Variants in MUC4 observed in about 807,000 individuals in gnomAD.
MUC4 encodes mucin-4.
Under a neutral mutation model 257.9 loss-of-function variants are expected in MUC4, and 202 were observed. That is an observed-to-expected ratio of 0.78 (90% CI 0.70 to 0.88). The LOEUF (loss-of-function observed/expected upper bound fraction) is 0.88. Among genes scored for constraint, MUC4 ranks in the 40% least tolerant of loss-of-function variants. The probability of loss-of-function intolerance (pLI) is 0.00; values close to 1 mark genes in which losing one functional copy is unlikely to be tolerated. For synonymous variants in MUC4, 2,351 were observed against 2,757.1 expected (o/e 0.85, Z 4.62); for missense variants, 5,976 against 6,513.7 (o/e 0.92, Z 2.84).
In MUC4 at chr3:195,778,678, G is replaced by T. The variant is rs985797364; in HGVS notation, c.12790+112C>A. On this transcript the variant is annotated intron_variant, in intron 2 of 24. Transcript: ENST00000463781. The stretch of plus-strand genomic sequence containing the variant: ...CATCACCTCCTCCCCTGTGGGACCT[G>T]ACACGGCCCCACCAGGTAATGCGAA... The T allele has an allele frequency of 4.4e-5, 59 of 1,344,476 alleles. No individual in the cohort carries two copies. The East Asian group carries it at 5.5e-4, about 13-fold the overall frequency. 83.3% of individuals were successfully genotyped at this position (1,344,476 alleles called of 1,614,324 possible).
chr3:195,768,913 GC>G, intron 7 of MUC4, 108 bp downstream of exon 7: 1 of 1,410,098 alleles, frequency 7.1e-7, no homozygotes. Context: ...AGAAGCACCA[GC>G]CAGGAGGGTT....
chr3:195,781,352 G>A lies in MUC4; in HGVS notation c.10228C>T (p.Pro3410Ser), dbSNP rs1409097294. Residue 3410 changes from proline (P) to serine (S), a missense_variant, in exon 2 of 25, where the codon CCT becomes TCT. Transcript: ENST00000463781. The stretch of plus-strand genomic sequence containing the variant: ...GATGCTGAGGAAGGGCTAGTGACAG[G>A]AAGAGGCATGGTGTCACCTGTGGAT... ...SVSTGDTMPL[P>S]VTSPSSASTG... 18 of 1,484,704 alleles carry A rather than the reference G, an allele frequency of 1.2e-5. 2 individuals carry two copies. Among genetic ancestry groups the A allele is most frequent in the South Asian group, 1.3e-5 (1 of 79,498 alleles). 92.0% of individuals were successfully genotyped at this position (1,484,704 alleles called of 1,614,324 possible).
chr3:195,761,129 A>G lies in MUC4; in HGVS notation c.14615-12T>C. ...CCCGTTGATCTGCCCTGTAACACACAGAGCGCGGTGGTACCAGGCATGGCA... is the reference window on the plus strand; with the variant it reads ...CCCGTTGATCTGCCCTGTAACACACGGAGCGCGGTGGTACCAGGCATGGCA... On this transcript the variant is annotated splice_polypyrimidine_tract_variant and intron_variant, in intron 15 of 24. Transcript: ENST00000463781. 1 of 1,610,872 alleles carries G rather than the reference A, an allele frequency of 6.2e-7. No homozygotes were observed. Among genetic ancestry groups the G allele is most frequent in the Middle Eastern group, 1.7e-4 (1 of 6,002 alleles).
intron 24 of MUC4, among the ~76,000 whole-genome samples, chr3:195,747,988 G>T (rs1230436236): frequency 1.0e-4 from 9 of 87,966 alleles, no homozygotes; most frequent in Admixed American, 2.7e-4. Context: ...GCCCCGCCCC[G>T]CCCCGCCCAC....
intron 7 of MUC4, among the ~76,000 whole-genome samples, chr3:195,767,835 C>CCACCATCACCACCACCAT (rs1207941159): frequency 8.7e-6 from 1 of 114,772 alleles, no homozygotes; most frequent in Non-Finnish European, 2.0e-5. Flanking sequence ...ACCACCATCA[C>CCACCATCACCACCACCAT]CACCACCACC....
At position 195,770,272 on chromosome 3, in the gene MUC4, C is replaced by T. The variant is rs2293232; in HGVS notation, c.13342G>A (p.Ala4448Thr). 239,541 of 1,613,418 alleles carry T rather than the reference C, an allele frequency of 0.15. 20,901 individuals are homozygous for T. The highest frequency in any genetic ancestry group is 0.31 in the Admixed American group (18,487 of 59,892). ...GCATTGACCCACGTGACCTTTAGGG[C>T]CCACCTGGCCTTGTAGCCCCCGTTG... ...TNNGGYKARW[A>T]LKVTWVNAHA... The change falls in exon 6 of 25, where the codon GCC becomes ACC. Residue 4448 changes from alanine to threonine, a missense_variant. This residue lies in a region of MUC4 where 996 missense variants were observed against 1,137.3 expected (regional missense o/e 0.88). Coordinates refer to ENST00000463781, the MANE Select transcript of MUC4 (RefSeq NM_018406.7).
At position 195,788,319 on chromosome 3, in the gene MUC4, G is replaced by A. The variant is rs112448158; in HGVS notation, c.3261C>T (p.Thr1087=). The A allele has an allele frequency of 0.011, 14,201 of 1,328,898 alleles. 1,232 individuals carry two copies. Among genetic ancestry groups the A allele is most frequent in the Middle Eastern group, 0.061 (208 of 3,426 alleles). The allele number at this position is 1,328,898 out of a possible 1,614,324, so 82.3% of individuals were successfully genotyped here. A position where few individuals can be genotyped will look rare whatever the true frequency, so the allele number is the denominator to read the frequency against. ...SLSSASTGDT[T]PLPVTDTSSA... is the part of the protein sequence containing the mutation. ...AGGAAGTGTCAGTGACAGGAAGAGGGGTGGTGTCACCTGTGGATGCTGAGG... is the reference window on the plus strand; with the variant it reads ...AGGAAGTGTCAGTGACAGGAAGAGGAGTGGTGTCACCTGTGGATGCTGAGG... The change falls in exon 2 of 25, where the codon ACC becomes ACT. Residue 1087 remains threonine, a synonymous_variant. Coordinates refer to ENST00000463781, the MANE Select transcript of MUC4 (RefSeq NM_018406.7).
chr3:195,794,651 C>T lies in MUC4; in HGVS notation c.83-3154G>A, dbSNP rs181697612. Among the ~76,000 whole-genome samples the T allele has an allele frequency of 1.5e-3, 228 of 152,200 alleles. 3 individuals carry two copies. The highest frequency in any genetic ancestry group is 5.4e-3 in the African/African-American group (223 of 41,532). Reference sequence around the variant, plus strand: ...TACTGGGATTAAAGGTGTGAGCCACCGCTCCCACCCTTTTTTTCAACCTCA... The same window carrying T: ...TACTGGGATTAAAGGTGTGAGCCACTGCTCCCACCCTTTTTTTCAACCTCA... On this transcript the variant is annotated intron_variant, in intron 1 of 24. Transcript: ENST00000463781.
chr3:195,779,625 A>T lies in MUC4; in HGVS notation c.11955T>A (p.Leu3985=). ...ATACTGAGGAAGTGTCGGTGACAGG[A>T]AGGGGGGTGGCGTGACCTGTGGATG... ...SSASTGHATP[L]PVTDTSSVST... Residue 3985 remains leucine, a synonymous_variant, in exon 2 of 25, where the codon CTT becomes CTA. Transcript: ENST00000463781. 1 of 1,072,550 alleles carries T rather than the reference A, an allele frequency of 9.3e-7. No homozygotes were observed. Among genetic ancestry groups the T allele is most frequent in the Non-Finnish European group, 1.3e-6 (1 of 799,784 alleles). The allele number at this position is 1,072,550 out of a possible 1,614,324, so 66.4% of individuals were successfully genotyped here.
intron 1 of MUC4, among the ~76,000 whole-genome samples, chr3:195,801,626 C>G (rs996798144): frequency 1.3e-5 from 2 of 152,136 alleles, no homozygotes; most frequent in South Asian, 4.2e-4. Context: ...CTTCCCCTGC[C>G]GCCTCTTCTT....
chr3:195,753,683 A>C (rs1469196680), intron 19 of MUC4: 1 of 206,710 alleles, frequency 4.8e-6, no homozygotes, highest in Non-Finnish European at 9.4e-6. Flanking sequence ...CCCTCATCAG[A>C]CTCTGGTGAC....
intron 18 of MUC4, among the ~76,000 whole-genome samples, chr3:195,754,810 G>A (rs1577951835): frequency 5.8e-5 from 1 of 17,198 alleles, no homozygotes; most frequent in African/African-American, 9.2e-5. Context: ...ATGCATGTAT[G>A]TATCCATGTG....
Position 195,761,095 on chromosome 3 carries a change from G to A in MUC4, c.14637C>T (p.Leu4879=), listed in dbSNP as rs1477015214. 6 of 1,614,190 alleles carry A rather than the reference G, an allele frequency of 3.7e-6. No individual in the cohort carries two copies. The highest frequency in any genetic ancestry group is 5.1e-6 in the Non-Finnish European group (6 of 1,180,018). Residue 4879 remains leucine, a synonymous_variant, in exon 16 of 25, where the codon CTC becomes CTT. Transcript: ENST00000463781. ...GCAGCTGGTCATTCCTCTTGCCAAGGAGGCCTGTCCCGTTGATCTGCCCTG... is the reference window on the plus strand; with the variant it reads ...GCAGCTGGTCATTCCTCTTGCCAAGAAGGCCTGTCCCGTTGATCTGCCCTG... The part of the protein sequence containing the change: ...GMTWQINGTG[L]LGKRNDQLPS...
intron 3 of MUC4, among the ~76,000 whole-genome samples, chr3:195,776,268 TACCTTCCACACCCATACCTTCCACAC>T (rs1226437414): frequency 2.1e-4 from 22 of 102,458 alleles, no homozygotes; most frequent in African/African-American, 9.2e-4. Context: ...TCCACACCCA[TACCTTCCACACCCATACCTTCCACAC>T]CCATACCTTC....
rs767302685 is a variant in MUC4, at chr3:195,789,281, C to T, written c.2299G>A (p.Ala767Thr). 5 of 1,613,920 alleles carry T rather than the reference C, an allele frequency of 3.1e-6. No homozygotes were observed. The highest frequency in any genetic ancestry group is 8.5e-7 in the Non-Finnish European group (1 of 1,179,868). Residue 767 changes from alanine (A) to threonine (T), a missense_variant, in exon 2 of 25, where the codon GCA becomes ACA. Coordinates refer to ENST00000463781, the MANE Select transcript of MUC4 (RefSeq NM_018406.7). ...TGGTGGGTATGGGTCATGGCTGCTG[C>T]TGTGTCAGGTGAGGTGCTGGCAGAG... ...SASASTSPDT[A>T]AAMTHTHQAE... is the part of the protein sequence containing the mutation.
Position 195,774,287 on chromosome 3 carries a change from T to C in MUC4, c.12962A>G (p.Tyr4321Cys), listed in dbSNP as rs1436897933. 3.2e-6 allele frequency: 5 copies of C among 1,569,364 alleles called. No homozygotes were observed. Among genetic ancestry groups the C allele is most frequent in the Non-Finnish European group, 4.3e-6 (5 of 1,160,058 alleles). The change falls in exon 4 of 25, where the codon TAT (tyrosine) becomes TGT (cysteine). Residue 4321 changes from tyrosine to cysteine, a missense_variant. By Grantham distance (194) the Tyr-to-Cys change is radical. Coordinates refer to ENST00000463781, the MANE Select transcript of MUC4 (RefSeq NM_018406.7). ...LPERGVSLFP[Y>C]GAGAGDLEFV... is the part of the protein sequence containing the mutation. ...CTCCAGGTCCCCGGCGCCTGCCCCA[T>C]AGGGGAAGAGGGAAACTCCTGGGCC...
intron 7 of MUC4, among the ~76,000 whole-genome samples, chr3:195,768,092 T>A (rs933923397): frequency 6.6e-6 from 1 of 152,030 alleles, no homozygotes; most frequent in Non-Finnish European, 1.5e-5. Flanking sequence ...GGGCTTTTCC[T>A]CCTCCCTGAC....
At position 195,786,521 on chromosome 3, in the gene MUC4, A is replaced by C; in HGVS notation, c.5059T>G (p.Ser1687Ala). The C allele has an allele frequency of 3.3e-6, 5 of 1,524,414 alleles. No individual in the cohort carries two copies. Among genetic ancestry groups the C allele is most frequent in the Non-Finnish European group, 4.4e-6 (5 of 1,130,212 alleles). 94.4% of individuals were successfully genotyped at this position (1,524,414 alleles called of 1,614,324 possible). A position where few individuals can be genotyped will look rare whatever the true frequency, so the allele number is the denominator to read the frequency against. ...HATPLPVTGL[S>A]SATTDDTTRL... ...GTGGTGTCATCTGTGGTAGCTGAGG[A>C]AAGGCCGGTGACAGGAAGAGGGGTG... The change falls in exon 2 of 25, where the codon TCC becomes GCC. Residue 1687 changes from serine (S) to alanine (A), a missense_variant. By Grantham distance (99) the Ser-to-Ala change is moderately conservative (BLOSUM62 1). Coordinates refer to ENST00000463781, the MANE Select transcript of MUC4 (RefSeq NM_018406.7).
intron 1 of MUC4, among the ~76,000 whole-genome samples, chr3:195,793,354 T>C (rs544071099): frequency 5.3e-5 from 8 of 151,228 alleles, no homozygotes; most frequent in Non-Finnish European, 7.4e-5. Context: ...AATACAGAAA[T>C]AGCTGGGCGT....
Sources: allele counts gnomAD v4.1 joint callset (sites outside exome capture counted in the v4.1 genomes callset), GRCh38; gene constraint gnomAD v4.1.1; regional missense constraint gnomAD v4.1.1; transcripts MANE v1.5; gene names NCBI Gene and HGNC (gene_info 2026-07-23, HGNC 2026-07-21).